SUCLA2: variants seen among roughly 807,000 people sequenced by gnomAD.
SUCLA2 encodes the protein succinate-CoA ligase ADP-forming subunit beta, also known as succinate--CoA ligase [ADP-forming] subunit beta, mitochondrial.
Under a neutral mutation model 54.8 loss-of-function variants are expected in SUCLA2, and 30 were observed. The ratio of observed to expected loss-of-function variants is 0.55; its 90% CI spans 0.41 to 0.74. The LOEUF (loss-of-function observed/expected upper bound fraction) is 0.74, where lower values mean the gene tolerates loss of function less well. SUCLA2 is among the 30% of genes least tolerant of loss of function. SUCLA2 has a pLI of 0.00. For synonymous variants in SUCLA2, 172 were observed against 188.9 expected (o/e 0.91, Z 0.74); for missense variants, 476 against 562.9 (o/e 0.85, Z 1.56).
intron 2 of SUCLA2, among the ~76,000 whole-genome samples, chr13:47,993,683 C>T (rs528975947): frequency 6.6e-6 from 1 of 152,176 alleles, no homozygotes; most frequent in Non-Finnish European, 1.5e-5. Context: ...GTTTGGCACA[C>T]CTGTAAAGCA....
At chr13:47,959,989 A>T (rs1949855553) in intron 6 of SUCLA2, among the ~76,000 whole-genome samples, 1 of 152,074 alleles carries the variant, frequency 6.6e-6, no homozygotes. Flanking sequence ...GAATTTCTTG[A>T]TTGCACAAGA....
chr13:47,962,770 G>T (rs1039367267), intron 6 of SUCLA2, among the ~76,000 whole-genome samples: 1 of 152,110 alleles, frequency 6.6e-6, no homozygotes, highest in African/African-American at 2.4e-5. Context: ...AAATAGAAAG[G>T]GAAGACTGAA....
At chr13:47,983,444 C>A (rs1490702100) in intron 4 of SUCLA2, among the ~76,000 whole-genome samples, 4 of 151,084 alleles carry the variant, frequency 2.6e-5, no homozygotes, top group African/African-American at 9.7e-5. Flanking sequence ...TACAGACCAA[C>A]AAATCTTTAA....
intron 2 of SUCLA2, among the ~76,000 whole-genome samples, chr13:47,996,567 C>T (rs1382561845): frequency 6.6e-6 from 1 of 151,858 alleles, no homozygotes; most frequent in Admixed American, 6.6e-5. Context: ...GTAGAATTCC[C>T]TTCCCCATAA....
At chr13:47,946,629 A>G (rs762014634) in intron 10 of SUCLA2, among the ~76,000 whole-genome samples, 3 of 151,880 alleles carry the variant, frequency 2.0e-5, no homozygotes, top group Admixed American at 1.3e-4. Context: ...ATGAAACTAT[A>G]CAAAGCTGAG....
intron 6 of SUCLA2, among the ~76,000 whole-genome samples, chr13:47,959,317 TAAGG>T (rs961769904): frequency 1.8e-4 from 27 of 152,080 alleles, no homozygotes; most frequent in Non-Finnish European, 3.2e-4. Flanking sequence ...GTATTTTTGG[TAAGG>T]AAGGTTATAA....
chr13:47,946,304 C>T (rs931304122), intron 10 of SUCLA2, among the ~76,000 whole-genome samples: 12 of 152,156 alleles, frequency 7.9e-5, no homozygotes, highest in African/African-American at 2.9e-4. Flanking sequence ...GATTCAGGCA[C>T]CCACTAGGGG....
In SUCLA2 at chr13:47,968,749, C is replaced by T. The variant is rs748538613; in HGVS notation, c.664-16G>A. ...TCTGTGCAAGCTGAAATCAATATGT[C>T]TTTTTATTATAGGTAGTTTGCATAT... On this transcript the variant is annotated splice_polypyrimidine_tract_variant and intron_variant, in intron 5 of 10. Coordinates refer to ENST00000646932, the MANE Select transcript of SUCLA2 (RefSeq NM_003850.3). 6.2e-7 allele frequency: 1 copy of T among 1,611,442 alleles called. No homozygotes were observed. Among genetic ancestry groups the T allele is most frequent in the East Asian group, 2.2e-5 (1 of 44,766 alleles).
Position 47,953,862 on chromosome 13 carries a change from C to T in SUCLA2, c.1107+278G>A, listed in dbSNP as rs77175891. ...ATATGTCTTTTGAATTATGATACTT[C>T]ACATCCCTTATACTTTGATAATCAT... On this transcript the variant is annotated intron_variant, in intron 8 of 10. Coordinates refer to ENST00000646932, the MANE Select transcript of SUCLA2 (RefSeq NM_003850.3). 0.03 allele frequency among the ~76,000 whole-genome samples: 4,540 copies of T among 152,118 alleles called. 155 individuals carry two copies. The highest frequency in any genetic ancestry group is 0.1 in the Admixed American group (1,572 of 15,256).
chr13:47,988,332 T>C, intron 4 of SUCLA2: 1 of 560,918 alleles, frequency 1.8e-6, no homozygotes, highest in Non-Finnish European at 3.0e-6. Context: ...GAATTTTTCC[T>C]ATAATTTTAA....
chr13:47,974,102 A>G (rs912867502), intron 4 of SUCLA2, among the ~76,000 whole-genome samples: 1 of 151,382 alleles, frequency 6.6e-6, no homozygotes, highest in Non-Finnish European at 1.5e-5. Context: ...AAAAAAAAGA[A>G]AAAAAACTTA....
At chr13:48,000,740 G>T in intron 1 of SUCLA2, 1 of 538,966 alleles carries the variant, frequency 1.9e-6, no homozygotes, top group Non-Finnish European at 2.4e-6. Context: ...AGCACCGCTG[G>T]TCCTCTGACA....
At chr13:47,956,014 C>G (rs539707892) in intron 6 of SUCLA2, among the ~76,000 whole-genome samples, 22 of 152,044 alleles carry the variant, frequency 1.4e-4, no homozygotes, top group Non-Finnish European at 2.5e-4. Context: ...TCCCAAAATG[C>G]ACAGTGTATG....
intron 6 of SUCLA2, among the ~76,000 whole-genome samples, chr13:47,963,521 T>C (rs938868539): frequency 6.6e-6 from 1 of 152,112 alleles, no homozygotes; most frequent in Non-Finnish European, 1.5e-5. Context: ...GGCACGTGCC[T>C]GTAATCCCAG....
chr13:47,955,592 G>A (rs976377357), intron 6 of SUCLA2, among the ~76,000 whole-genome samples: 2 of 152,114 alleles, frequency 1.3e-5, no homozygotes, highest in Non-Finnish European at 2.9e-5. Context: ...AAGAGAAGAA[G>A]AAGAAGCAAA....
intron 4 of SUCLA2, among the ~76,000 whole-genome samples, chr13:47,977,813 CAAT>C (rs775995452): frequency 1.2e-4 from 19 of 152,118 alleles, no homozygotes; most frequent in Non-Finnish European, 2.6e-4. Context: ...ACATCATACA[CAAT>C]AATGAGAAAC....
intron 1 of SUCLA2, 150 bp downstream of exon 1, chr13:48,001,030 G>A: frequency 6.7e-7 from 1 of 1,483,674 alleles, no homozygotes; most frequent in Non-Finnish European, 9.0e-7. Context: ...CTGGCGAGCA[G>A]CACTCCCAGG....
chr13:47,952,789 A>C (rs1043857697), intron 8 of SUCLA2, among the ~76,000 whole-genome samples: 1 of 152,182 alleles, frequency 6.6e-6, no homozygotes, highest in African/African-American at 2.4e-5. Flanking sequence ...AAATGTGGTC[A>C]CAATTTGCCA....
Position 47,966,646 on chromosome 13 carries a change from T to C in SUCLA2, c.802+1949A>G, listed in dbSNP as rs141181926. Among the ~76,000 whole-genome samples the C allele has an allele frequency of 3.9e-5, 6 of 152,122 alleles. No homozygotes were observed. In the East Asian group the frequency reaches 5.8e-4, roughly 15 times the overall value. The stretch of plus-strand genomic sequence containing the variant: ...CCTACATTCCTTGCAGTTGTTCAGT[T>C]TGAAATATTTTCTCATTTCCATTAT... On this transcript the variant is annotated intron_variant, in intron 6 of 10. Transcript: ENST00000646932.
Sources: allele counts gnomAD v4.1 joint callset (sites outside exome capture counted in the v4.1 genomes callset), GRCh38; gene constraint gnomAD v4.1.1; transcripts MANE v1.5; gene names NCBI Gene and HGNC (gene_info 2026-07-23, HGNC 2026-07-21).